The following NEK6 variants were observed in gnomAD, a reference collection of about 807,000 sequenced individuals.
NEK6 encodes NIMA related kinase 6.
A neutral mutation model predicts 43.5 loss-of-function variants in NEK6; 27 were observed. The ratio of observed to expected loss-of-function variants is 0.62; its 90% confidence interval spans 0.46 to 0.86. NEK6 has a LOEUF of 0.86. NEK6 is among the 40% of genes least tolerant of loss of function. The probability of loss-of-function intolerance (pLI) is 0.00; values close to 1 mark genes in which losing one functional copy is unlikely to be tolerated. For missense variants in NEK6, 318 were observed against 414.4 expected, an observed-to-expected ratio of 0.77 and a Z score of 2.02; for synonymous variants, 167 against 164.1, an observed-to-expected ratio of 1.02 and a Z score of -0.14.
At chr9:124,337,282 C>T (rs918712335) in intron 7 of NEK6, among the ~76,000 whole-genome samples, 1 of 152,240 alleles carries the variant, frequency 6.6e-6, no homozygotes, top group Non-Finnish European at 1.5e-5. Flanking sequence ...ACAATTTCCT[C>T]AGTGTTGGCG....
intron 2 of NEK6, among the ~76,000 whole-genome samples, chr9:124,308,656 C>CAAAA (rs1374130698): frequency 1.5e-4 from 12 of 82,284 alleles, no homozygotes; most frequent in African/African-American, 4.2e-4. Context: ...AACTCTATCT[C>CAAAA]AAAAAAAAAA....
In NEK6 at chr9:124,343,867, C is replaced by T. The variant is rs1012450451; in HGVS notation, c.718-3842C>T. Among the ~76,000 whole-genome samples, 1 of 152,216 alleles carries T rather than the reference C, an allele frequency of 6.6e-6. No individual in the cohort carries two copies. The highest frequency in any genetic ancestry group is 1.5e-5 in the Non-Finnish European group (1 of 68,038). On this transcript the variant is annotated intron_variant, in intron 8 of 9. Transcript: ENST00000320246. This position sits in a 1 kb window ranked among gnomAD's most constrained non-coding sequence, Gnocchi z 5.1. ...CGGAAGGCTCAAAAGCCCCTGTGCT[C>T]ATCCCTGTGGCTGCAGTGACAGATG...
intron 4 of NEK6, among the ~76,000 whole-genome samples, chr9:124,314,603 G>A (rs892591162): frequency 6.6e-5 from 10 of 151,832 alleles, no homozygotes; most frequent in African/African-American, 2.4e-4. Context: ...CAATCCTCCC[G>A]CCTCAGTCTC....
At chr9:124,314,171 G>A (rs940287723) in intron 4 of NEK6, among the ~76,000 whole-genome samples, 186 bp downstream of exon 4, 3 of 152,140 alleles carry the variant, frequency 2.0e-5, no homozygotes, top group South Asian at 2.1e-4. Context: ...GGAGCGGCCC[G>A]CCTCATCGCT....
At chr9:124,321,336 C>G in intron 4 of NEK6, 123 bp from the exon 5 acceptor site, 1 of 631,882 alleles carries the variant, frequency 1.6e-6, no homozygotes, top group Non-Finnish European at 2.8e-6. Flanking sequence ...CCCTGGGACC[C>G]ACTTCTCTAG....
At chr9:124,300,843 G>A (rs143060864) in intron 1 of NEK6, among the ~76,000 whole-genome samples, 1 of 152,332 alleles carries the variant, frequency 6.6e-6, no homozygotes, top group Non-Finnish European at 1.5e-5. Flanking sequence ...CAGGGGTACA[G>A]CTGAGCTGCT....
chr9:124,258,319 G>A, intron 1 of NEK6: 1 of 985,194 alleles, frequency 1.0e-6, no homozygotes, highest in Non-Finnish European at 1.2e-6. Flanking sequence ...CGTCCCCGGC[G>A]GGTGTGCGTG....
intron 9 of NEK6, 48 bp downstream of exon 9, chr9:124,347,870 A>G: frequency 8.7e-7 from 1 of 1,155,896 alleles, no homozygotes; most frequent in South Asian, 1.3e-5. Context: ...GAGGCCACCG[A>G]GGCTTATGAG....
chr9:124,301,272 G>A (rs10760348), intron 1 of NEK6, among the ~76,000 whole-genome samples: 81,165 of 152,024 alleles, frequency 0.53, 21,894 homozygotes, highest in East Asian at 0.71. Flanking sequence ...TTAACCAGGG[G>A]CCTGTGGCTG....
At chr9:124,332,976 T>C (rs1250896403) in intron 7 of NEK6, among the ~76,000 whole-genome samples, 1 of 151,998 alleles carries the variant, frequency 6.6e-6, no homozygotes, top group Non-Finnish European at 1.5e-5. Context: ...GCTCTGCCTC[T>C]GCGTCTCGGC....
intron 2 of NEK6, among the ~76,000 whole-genome samples, chr9:124,310,774 T>G (rs1000048696): frequency 3.3e-5 from 5 of 152,110 alleles, no homozygotes; most frequent in African/African-American, 1.2e-4. Context: ...AATTTTTGTG[T>G]TTTTACAAAA....
intron 1 of NEK6, among the ~76,000 whole-genome samples, chr9:124,299,460 GTGTTTATC>G (rs1832849908): frequency 6.6e-6 from 1 of 152,212 alleles, no homozygotes; most frequent in Non-Finnish European, 1.5e-5. Flanking sequence ...GAAGGTGCTC[GTGTTTATC>G]TGTTTATCCT....
chr9:124,315,917 G>C (rs952032157), intron 4 of NEK6, among the ~76,000 whole-genome samples: 4 of 152,248 alleles, frequency 2.6e-5, no homozygotes, highest in African/African-American at 9.6e-5. Flanking sequence ...TGTAAAGGGG[G>C]CATGATGACA....
chr9:124,337,208 C>G (rs1338826064), intron 7 of NEK6, among the ~76,000 whole-genome samples: 4 of 152,160 alleles, frequency 2.6e-5, no homozygotes, highest in African/African-American at 9.7e-5. Flanking sequence ...CCAGCTCATC[C>G]AATATGTGCC....
rs1830311594 is a variant in NEK6 at position 124,352,230 on chromosome 9, CA to C, written c.*1284del. 6.6e-6 allele frequency: 1 copy of C among 152,536 alleles called. No individual in the cohort carries two copies. The highest frequency in any genetic ancestry group is 1.5e-5 in the Non-Finnish European group (1 of 68,046). 9.4% of individuals were successfully genotyped at this position (152,536 alleles called of 1,614,324 possible). On this transcript the variant is annotated 3_prime_UTR_variant, in exon 10 of 10. Transcript: ENST00000320246. Reference sequence around the variant, plus strand: ...CTGGCATCGGGCAGGTGATTCCTGACACCTGCTGCCTGCAGGCATTCACTGA... The same window carrying C: ...CTGGCATCGGGCAGGTGATTCCTGACCCTGCTGCCTGCAGGCATTCACTGA...
At chr9:124,304,160 G>A (rs554381384) in intron 2 of NEK6, among the ~76,000 whole-genome samples, 48 of 152,374 alleles carry the variant, frequency 3.2e-4, no homozygotes, top group African/African-American at 4.3e-4. Context: ...GTGCCGTGCC[G>A]GCTCCAGGTT....
At position 124,292,520 on chromosome 9, in the gene NEK6, A is replaced by G. The variant is rs373723730; in HGVS notation, c.-29-9416A>G. 1.7e-4 allele frequency: 258 copies of G among 1,536,940 alleles called. No individual in the cohort carries two copies. The African/African-American group carries it at 2.2e-3, about 13-fold the overall frequency. The stretch of plus-strand genomic sequence containing the variant: ...TGGAGGCCACTGGATGGGATTCTAG[A>G]TGCTCGCCTGGGACCCAGGGTGAGT... On this transcript the variant is annotated intron_variant, in intron 1 of 9. Coordinates refer to ENST00000320246, the MANE Select transcript of NEK6 (RefSeq NM_014397.6).
rs1433103860 is a variant in NEK6 at position 124,313,938 on chromosome 9, G to GACGCCAAGGCGAGGCAGGACT, written c.248_268dup (p.Asp89_Cys90insTyrAlaLysAlaArgGlnAsp). 1.9e-6 allele frequency: 3 copies of GACGCCAAGGCGAGGCAGGACT among 1,614,220 alleles called. No individual in the cohort carries two copies. Among genetic ancestry groups the GACGCCAAGGCGAGGCAGGACT allele is most frequent in the Non-Finnish European group, 2.5e-6 (3 of 1,180,024 alleles). On this transcript the variant is annotated inframe_insertion, in exon 4 of 10. Coordinates refer to ENST00000320246, the MANE Select transcript of NEK6 (RefSeq NM_014397.6). ...CCCGCCCAAGATCTTTGAGATGATG[G>GACGCCAAGGCGAGGCAGGACT]ACGCCAAGGCGAGGCAGGACTGTGT... is the stretch of plus-strand genomic sequence containing the variant.
At chr9:124,330,372 T>A (rs1179366058) in intron 7 of NEK6, among the ~76,000 whole-genome samples, 1 of 151,770 alleles carries the variant, frequency 6.6e-6, no homozygotes, top group African/African-American at 2.4e-5. Flanking sequence ...TACAAGCAAG[T>A]GTCTCGCTCC....
Sources: gnomAD v4.1 joint callset for allele counts (sites outside exome capture counted in the v4.1 genomes callset) on GRCh38, gnomAD v4.1.1 for gene constraint, Gnocchi (gnomAD v3.1) non-coding constraint, MANE v1.5 for transcripts, NCBI Gene and HGNC (gene_info 2026-07-23, HGNC 2026-07-21) for gene names.